The following VPS13B variants were observed in gnomAD, a reference collection of about 807,000 sequenced individuals.
VPS13B encodes intermembrane lipid transfer protein VPS13B.
Under a neutral mutation model 426.4 loss-of-function variants are expected in VPS13B, and 285 were observed. The observed-to-expected ratio is 0.67, with a 90% CI of 0.61 to 0.74. The LOEUF (loss-of-function observed/expected upper bound fraction) is 0.74. VPS13B is among the 30% of genes least tolerant of loss of function. The pLI is 0.00. For synonymous variants in VPS13B, 1,676 were observed against 1,676.4 expected, an observed-to-expected ratio of 1.00 and a Z score of 0.01; for missense variants, 4,537 against 4,782.6, an observed-to-expected ratio of 0.95 and a Z score of 1.51.
At chr8:99,868,490 G>A (rs1369284722) in intron 59 of VPS13B, 25 bp downstream of exon 59, 4 of 1,592,082 alleles carry the variant, frequency 2.5e-6, no homozygotes, top group South Asian at 1.1e-5. Flanking sequence ...AACCCATCAG[G>A]CCAACCCAGA....
At chr8:99,827,449 G>T (rs10955221) in intron 51 of VPS13B, among the ~76,000 whole-genome samples, 53,495 of 149,324 alleles carry the variant, frequency 0.36, 9,761 homozygotes, top group East Asian at 0.47. Flanking sequence ...GTCTGTTTGA[G>T]TCTTCTCTCT....
chr8:99,809,221 A>C (rs1454935036), intron 43 of VPS13B, among the ~76,000 whole-genome samples, 154 bp from the exon 44 acceptor site: 1 of 152,224 alleles, frequency 6.6e-6, no homozygotes, highest in African/African-American at 2.4e-5. Flanking sequence ...AGCCTGGTGG[A>C]ATAAGTTGGA....
At chr8:99,244,401 G>A (rs1817092279) in intron 17 of VPS13B, among the ~76,000 whole-genome samples, 1 of 152,196 alleles carries the variant, frequency 6.6e-6, no homozygotes, top group Admixed American at 6.5e-5. Flanking sequence ...TTGTTAATTT[G>A]TAGATGTTGG....
intron 35 of VPS13B, among the ~76,000 whole-genome samples, chr8:99,675,640 A>G (rs1617299): frequency 0.14 from 21,752 of 151,726 alleles, 2,092 homozygotes; most frequent in East Asian, 0.39. Context: ...TCGTTCCTTT[A>G]CTGTGTATTT....
chr8:99,249,538 C>T (rs547749212), intron 17 of VPS13B, among the ~76,000 whole-genome samples: 1 of 151,650 alleles, frequency 6.6e-6, no homozygotes, highest in Non-Finnish European at 1.5e-5. Context: ...GTTCTCCTGC[C>T]TCAGCCTCCG....
At chr8:99,712,706 C>T (rs1832752524) in intron 36 of VPS13B, among the ~76,000 whole-genome samples, 1 of 149,824 alleles carries the variant, frequency 6.7e-6, no homozygotes, top group African/African-American at 2.5e-5. Context: ...CTGTCCCCAC[C>T]TTTATCTTTA....
intron 22 of VPS13B, among the ~76,000 whole-genome samples, chr8:99,439,019 C>T (rs1280910740): frequency 6.6e-6 from 1 of 151,960 alleles, no homozygotes. Flanking sequence ...GCTATAATTT[C>T]CCCCATTAAC....
intron 31 of VPS13B, among the ~76,000 whole-genome samples, chr8:99,573,043 C>T (rs1022625893): frequency 1.3e-5 from 2 of 152,244 alleles, no homozygotes; most frequent in African/African-American, 2.4e-5. Context: ...TTGCATTTCT[C>T]TGATGACCAG....
At chr8:99,665,114 T>G (rs955419126) in intron 35 of VPS13B, among the ~76,000 whole-genome samples, 5 of 152,212 alleles carry the variant, frequency 3.3e-5, no homozygotes, top group East Asian at 1.9e-4. Flanking sequence ...CATAAATGTC[T>G]TCTTTTGAGA....
At chr8:99,255,510 T>C (rs1000502394) in intron 17 of VPS13B, among the ~76,000 whole-genome samples, 1 of 152,208 alleles carries the variant, frequency 6.6e-6, no homozygotes, top group African/African-American at 2.4e-5. Flanking sequence ...CTGTGTTAGC[T>C]GACTTCCTCT....
chr8:99,308,327 C>T (rs1034643223), intron 19 of VPS13B, among the ~76,000 whole-genome samples: 16 of 152,112 alleles, frequency 1.1e-4, no homozygotes, highest in Admixed American at 2.0e-4. Context: ...TATCTCTCCC[C>T]TCTCCCCCAA....
chr8:99,395,818 A>T (rs1260727432), intron 21 of VPS13B, among the ~76,000 whole-genome samples: 1 of 152,212 alleles, frequency 6.6e-6, no homozygotes, highest in African/African-American at 2.4e-5. Flanking sequence ...GGTATATTAA[A>T]TACCTATATG....
chr8:99,162,364 A>G (rs1407217467), intron 15 of VPS13B, among the ~76,000 whole-genome samples: 2 of 152,354 alleles, frequency 1.3e-5, no homozygotes, highest in Admixed American at 1.3e-4. Context: ...CAAATCCTTG[A>G]GTTTTAATTT....
intron 39 of VPS13B, among the ~76,000 whole-genome samples, chr8:99,742,525 G>C (rs1356527020): frequency 1.3e-5 from 2 of 151,922 alleles, no homozygotes; most frequent in Non-Finnish European, 2.9e-5. Flanking sequence ...ACAACCAAAA[G>C]AGAGAATTTT....
intron 23 of VPS13B, among the ~76,000 whole-genome samples, chr8:99,452,446 G>A (rs770919429): frequency 2.0e-5 from 3 of 152,028 alleles, no homozygotes; most frequent in African/African-American, 2.4e-5. Flanking sequence ...TCTCTTGCTC[G>A]TTGCTGTATT....
At chr8:99,458,870 G>A (rs576127384) in intron 23 of VPS13B, among the ~76,000 whole-genome samples, 4 of 152,230 alleles carry the variant, frequency 2.6e-5, no homozygotes, top group African/African-American at 7.2e-5. Flanking sequence ...GTTGTAGGTT[G>A]CCTGTTCACT....
At chr8:99,871,055 T>C in intron 60 of VPS13B, 168 bp downstream of exon 60, 1 of 726,764 alleles carries the variant, frequency 1.4e-6, no homozygotes, top group African/African-American at 1.7e-5. Flanking sequence ...AGGAAGAGGC[T>C]GCTGTTGCCA....
chr8:99,388,138 TGAGG>T, intron 20 of VPS13B, among the ~76,000 whole-genome samples: 1 of 152,182 alleles, frequency 6.6e-6, no homozygotes, highest in East Asian at 1.9e-4. Context: ...GTATGCAATA[TGAGG>T]GCACTTATAT....
chr8:99,758,469 T>G (rs1810751643), intron 39 of VPS13B, among the ~76,000 whole-genome samples: 1 of 152,232 alleles, frequency 6.6e-6, no homozygotes, highest in African/African-American at 2.4e-5. Context: ...TTAAGAATAC[T>G]AGTCTGAGAA....
Sources: gnomAD v4.1 joint callset for allele counts (sites outside exome capture counted in the v4.1 genomes callset) on GRCh38, gnomAD v4.1.1 for gene constraint, MANE v1.5 for transcripts, NCBI Gene and HGNC (gene_info 2026-07-23, HGNC 2026-07-21) for gene names.